Variants in TECRL observed in about 807,000 individuals in gnomAD.
The protein encoded by TECRL is trans-2,3-enoyl-CoA reductase like, also known as trans-2,3-enoyl-CoA reductase-like.
A neutral mutation model predicts 52.8 loss-of-function variants in TECRL; 63 were observed. That is an observed-to-expected ratio of 1.19 (90% CI 0.97 to 1.47). The LOEUF is 1.47. TECRL is among the 40% of genes most tolerant of loss of function. The pLI, the probability that TECRL is intolerant of heterozygous loss-of-function variation, is 0.00. For missense variants in TECRL, 482 were observed against 429.6 expected, an observed-to-expected ratio of 1.12 and a Z score of -1.08; for synonymous variants, 164 against 141.9, an observed-to-expected ratio of 1.16 and a Z score of -1.10.
Position 64,310,002 on chromosome 4 carries a change from T to G in TECRL, c.552-71A>C, listed in dbSNP as rs998515160. ...CTGGCTTGCCTCATGCATGATACAT[T>G]TTAATTTTTTTAGTTTAATATGCTA... On this transcript the variant is annotated intron_variant, in intron 5 of 11. Coordinates refer to ENST00000381210, the MANE Select transcript of TECRL (RefSeq NM_001010874.5). 1.0e-5 allele frequency: 9 copies of G among 902,852 alleles called. No individual in the cohort carries two copies. The African/African-American group carries it at 1.6e-4, about 16-fold the overall frequency. 55.9% of individuals were successfully genotyped at this position (902,852 alleles called of 1,614,324 possible). A position where few individuals can be genotyped will look rare whatever the true frequency, so the allele number is the denominator to read the frequency against.
intron 9 of TECRL, among the ~76,000 whole-genome samples, chr4:64,284,955 G>T (rs1472456676): frequency 6.6e-6 from 1 of 151,976 alleles, no homozygotes; most frequent in Non-Finnish European, 1.5e-5. Context: ...ACATGATAAT[G>T]ATTTCAGTGA....
In TECRL at chr4:64,344,705, C is replaced by A. The variant is rs530262365; in HGVS notation, c.287-16149G>T. On this transcript the variant is annotated intron_variant, in intron 2 of 11. Coordinates refer to ENST00000381210, the MANE Select transcript of TECRL (RefSeq NM_001010874.5). ...TTTGAATGAAACTACATGCTACCAA[C>A]CATAGCTCTCAGCAAAGAGGAATTG... Among the ~76,000 whole-genome samples, 13 of 152,236 alleles carry A rather than the reference C, an allele frequency of 8.5e-5. No individual in the cohort carries two copies. In the East Asian group the frequency reaches 2.1e-3, roughly 25 times the overall value.
At chr4:64,297,735 C>A (rs940819593) in intron 8 of TECRL, among the ~76,000 whole-genome samples, 2 of 151,034 alleles carry the variant, frequency 1.3e-5, no homozygotes, top group Admixed American at 6.6e-5. Flanking sequence ...CTTTAAATTG[C>A]AGAATATTAT....
At chr4:64,286,859 A>C (rs756541439) in intron 9 of TECRL, among the ~76,000 whole-genome samples, 3 of 152,200 alleles carry the variant, frequency 2.0e-5, no homozygotes, top group Non-Finnish European at 4.4e-5. Context: ...GAATAAATGA[A>C]GAAGCTTGAG....
chr4:64,344,310 A>G (rs1054589754), intron 2 of TECRL, among the ~76,000 whole-genome samples: 2 of 152,026 alleles, frequency 1.3e-5, no homozygotes, highest in Admixed American at 1.3e-4. Context: ...CATCTATCAA[A>G]TTTTATTGAT....
chr4:64,355,136 C>T (rs879406857), intron 2 of TECRL, among the ~76,000 whole-genome samples: 1 of 151,754 alleles, frequency 6.6e-6, no homozygotes, highest in Admixed American at 6.6e-5. Flanking sequence ...ATTTCAGAGG[C>T]CTCAAAGGAA....
chr4:64,405,812 TA>T (rs1220589928), intron 1 of TECRL, among the ~76,000 whole-genome samples: 2 of 152,042 alleles, frequency 1.3e-5, no homozygotes, highest in East Asian at 1.9e-4. Flanking sequence ...CGAAGTTGGT[TA>T]AAAAAAGTGT....
At chr4:64,328,610 T>C in intron 2 of TECRL, 54 bp from the exon 3 acceptor site, 2 of 1,461,252 alleles carry the variant, frequency 1.4e-6, no homozygotes, top group Non-Finnish European at 1.9e-6. Context: ...CTATAGCTTA[T>C]AAAACTAACT....
chr4:64,399,665 G>T (rs1460861407), intron 1 of TECRL, among the ~76,000 whole-genome samples: 1 of 152,166 alleles, frequency 6.6e-6, no homozygotes, highest in East Asian at 1.9e-4. Flanking sequence ...CTTCAACCCT[G>T]GTGCAAAGGG....
intron 1 of TECRL, among the ~76,000 whole-genome samples, chr4:64,393,699 A>G (rs1284240375): frequency 3.3e-5 from 5 of 151,746 alleles, no homozygotes; most frequent in African/African-American, 1.2e-4. Flanking sequence ...TGAATCTAAT[A>G]TATTTATTGT....
chr4:64,401,471 C>G (rs1463488453), intron 1 of TECRL, among the ~76,000 whole-genome samples: 3 of 152,144 alleles, frequency 2.0e-5, no homozygotes, highest in Non-Finnish European at 4.4e-5. Context: ...TTCAGCTAAA[C>G]AATTCTTTGA....
At chr4:64,402,945 A>G (rs897205676) in intron 1 of TECRL, among the ~76,000 whole-genome samples, 9 of 152,112 alleles carry the variant, frequency 5.9e-5, no homozygotes, top group African/African-American at 1.4e-4. Flanking sequence ...AACTCAATGA[A>G]TATCACACCA....
chr4:64,300,199 G>A (rs923821120), intron 7 of TECRL, among the ~76,000 whole-genome samples, 182 bp from the exon 8 acceptor site: 1 of 149,910 alleles, frequency 6.7e-6, no homozygotes, highest in African/African-American at 2.4e-5. Flanking sequence ...TTTTTCACAT[G>A]TACTTTTGTT....
chr4:64,283,061 T>C (rs1444819551), intron 9 of TECRL, among the ~76,000 whole-genome samples: 1 of 151,984 alleles, frequency 6.6e-6, no homozygotes, highest in Non-Finnish European at 1.5e-5. Flanking sequence ...GGAAGAAACC[T>C]CACCCAAGGT....
Position 64,328,543 on chromosome 4 carries a change from G to A in TECRL, c.300C>T (p.Tyr100=). ...CTAGCTGCAGACCAACTCGAGAAGG[G>A]TACCACTTTGGACCTATTCAATGAA... is the stretch of plus-strand genomic sequence containing the variant. ...QKFHKACPKW[Y]PSRVGLQLEC... The change falls in exon 3 of 12, where the codon TAC becomes TAT. Residue 100 remains tyrosine, a synonymous_variant. Coordinates refer to ENST00000381210, the MANE Select transcript of TECRL (RefSeq NM_001010874.5). The A allele has an allele frequency of 1.2e-6, 2 of 1,611,366 alleles. No homozygotes were observed. The highest frequency in any genetic ancestry group is 1.3e-5 in the African/African-American group (1 of 74,904).
intron 7 of TECRL, chr4:64,304,950 A>G (rs1035391905): frequency 5.7e-6 from 2 of 352,362 alleles, no homozygotes; most frequent in Non-Finnish European, 1.0e-5. Flanking sequence ...ACAACCTACT[A>G]ATATTTTTGG....
At chr4:64,290,849 A>T (rs544341241) in intron 8 of TECRL, among the ~76,000 whole-genome samples, 1 of 152,142 alleles carries the variant, frequency 6.6e-6, no homozygotes, top group Non-Finnish European at 1.5e-5. Flanking sequence ...TAATGTAAAC[A>T]AATACACCAA....
intron 3 of TECRL, among the ~76,000 whole-genome samples, chr4:64,326,328 C>T (rs906402363): frequency 6.6e-6 from 1 of 152,040 alleles, no homozygotes; most frequent in Admixed American, 6.6e-5. Context: ...TAGGAATATA[C>T]AAAATATTTT....
chr4:64,296,190 C>G (rs1039287651), intron 8 of TECRL, among the ~76,000 whole-genome samples: 6 of 151,710 alleles, frequency 4.0e-5, no homozygotes, highest in Non-Finnish European at 8.8e-5. Flanking sequence ...CCATAAATGC[C>G]AAATTTCATA....
Sources: allele counts gnomAD v4.1 joint callset (sites outside exome capture counted in the v4.1 genomes callset), GRCh38; gene constraint gnomAD v4.1.1; transcripts MANE v1.5; gene names NCBI Gene and HGNC (gene_info 2026-07-23, HGNC 2026-07-21).